Variants in NR3C2 observed in about 807,000 individuals in gnomAD.
NR3C2 encodes mineralocorticoid receptor.
NR3C2 carries 15 observed loss-of-function variants against 86.4 expected under a neutral mutation model. The ratio of observed to expected loss-of-function variants is 0.17; its 90% CI spans 0.12 to 0.27. The LOEUF is 0.27. Among genes scored for constraint, NR3C2 ranks in the 10% least tolerant of loss-of-function variants. The pLI is 1.00. For missense variants in NR3C2, 960 were observed against 1,195.6 expected (o/e 0.80, Z 2.91); for synonymous variants, 458 against 450.5 (o/e 1.02, Z -0.21).
At chr4:148,192,822 C>T (rs1736261096) in intron 4 of NR3C2, among the ~76,000 whole-genome samples, 1 of 152,002 alleles carries the variant, frequency 6.6e-6, no homozygotes, top group African/African-American at 2.4e-5. Context: ...TGGTTTCACT[C>T]CCACTGAGCC....
In NR3C2 at chr4:148,436,174, G is replaced by A; in HGVS notation, c.687C>T (p.Ile229=). 1 of 1,614,190 alleles carries A rather than the reference G, an allele frequency of 6.2e-7. No homozygotes were observed. The highest frequency in any genetic ancestry group is 8.5e-7 in the Non-Finnish European group (1 of 1,180,028). The stretch of plus-strand genomic sequence containing the variant: ...AGCATGTCAGAGGAGTTCCCTGGGT[G>A]ATTGGGCTGTGCACTGGAAAACTGC... ...SFGSFPVHSP[I]TQGTPLTCSP... The change falls in exon 2 of 9, where the codon ATC becomes ATT. Residue 229 remains isoleucine, a synonymous_variant. Coordinates refer to ENST00000358102, the MANE Select transcript of NR3C2 (RefSeq NM_000901.5).
rs560848447 is a variant in NR3C2 at position 148,154,841 on chromosome 4, T to C, written c.2075A>G (p.Gln692Arg). The C allele has an allele frequency of 2.5e-6, 4 of 1,591,238 alleles. No homozygotes were observed. The Admixed American group carries it at 7.0e-5, about 28-fold the overall frequency. Residue 692 changes from glutamine (Q) to arginine (R), a missense_variant, in exon 5 of 9, where the codon CAG becomes CGG. Gln to Arg is a conservative substitution (Grantham distance 43). Transcript: ENST00000358102. ...GGGTGGGGGTGGGGGTGGGGGCTGCTGCTGCTGTGGCTGCTCCTCGTGAAT... is the reference window on the plus strand; with the variant it reads ...GGGTGGGGGTGGGGGTGGGGGCTGCCGCTGCTGTGGCTGCTCCTCGTGAAT... ...KGIHEEQPQQ[Q>R]QPPPPPPPPQ...
At chr4:148,311,429 G>A (rs773301809) in intron 2 of NR3C2, among the ~76,000 whole-genome samples, 27 of 152,176 alleles carry the variant, frequency 1.8e-4, no homozygotes, top group East Asian at 1.4e-3. Context: ...CACAAGCCCC[G>A]GAGCCATCTT....
intron 2 of NR3C2, 63 bp from the exon 3 acceptor site, chr4:148,260,180 G>T: frequency 1.9e-6 from 3 of 1,599,670 alleles, no homozygotes; most frequent in South Asian, 1.1e-5. Flanking sequence ...ATGCTGCACA[G>T]CTTAGCTCAA....
At chr4:148,356,392 A>G (rs975922751) in intron 2 of NR3C2, among the ~76,000 whole-genome samples, 4 of 152,226 alleles carry the variant, frequency 2.6e-5, no homozygotes, top group African/African-American at 9.6e-5. Flanking sequence ...TGAATGTACA[A>G]TCAGCAACTT....
chr4:148,419,722 T>C (rs1749185847), intron 2 of NR3C2, among the ~76,000 whole-genome samples: 1 of 152,218 alleles, frequency 6.6e-6, no homozygotes, highest in South Asian at 2.1e-4. Flanking sequence ...TTAAAGCATC[T>C]GTAAATGTAC....
At chr4:148,414,235 A>C (rs969996119) in intron 2 of NR3C2, among the ~76,000 whole-genome samples, 1 of 152,198 alleles carries the variant, frequency 6.6e-6, no homozygotes, top group Non-Finnish European at 1.5e-5. Flanking sequence ...ATGCAGGATA[A>C]AAACATGGGC....
chr4:148,249,991 G>T (rs1048086235), intron 3 of NR3C2, among the ~76,000 whole-genome samples: 1 of 152,148 alleles, frequency 6.6e-6, no homozygotes, highest in Non-Finnish European at 1.5e-5. Flanking sequence ...GTAATTTTAC[G>T]ATAATTTCTG....
upstream of NR3C2, chr4:148,444,438 G>C: frequency 1.4e-5 from 14 of 986,122 alleles, no homozygotes; most frequent in Non-Finnish European, 1.7e-5. Flanking sequence ...TGCCCTGGGC[G>C]CGCAACCTGC....
chr4:148,291,742 A>G (rs1741804559), intron 2 of NR3C2, among the ~76,000 whole-genome samples: 1 of 152,058 alleles, frequency 6.6e-6, no homozygotes, highest in Non-Finnish European at 1.5e-5. Context: ...TATTTCTACT[A>G]ATGTATAGAT....
chr4:148,154,206 A>C (rs1161776684), intron 5 of NR3C2, among the ~76,000 whole-genome samples: 1 of 151,988 alleles, frequency 6.6e-6, no homozygotes, highest in Non-Finnish European at 1.5e-5. Flanking sequence ...ACGGGGTTTC[A>C]CCATCTTGGC....
intron 3 of NR3C2, among the ~76,000 whole-genome samples, chr4:148,204,886 C>T (rs939725138): frequency 1.3e-5 from 2 of 152,184 alleles, no homozygotes; most frequent in Non-Finnish European, 2.9e-5. Context: ...CTCTAAACTC[C>T]AGACCTGGAA....
At chr4:148,373,727 C>T (rs767559544) in intron 2 of NR3C2, among the ~76,000 whole-genome samples, 21 of 152,148 alleles carry the variant, frequency 1.4e-4, no homozygotes, top group Non-Finnish European at 2.6e-4. Context: ...CCACCTGCCT[C>T]GGCCTCCCAC....
chr4:148,159,643 C>T (rs548600610), intron 4 of NR3C2, among the ~76,000 whole-genome samples: 29 of 152,308 alleles, frequency 1.9e-4, no homozygotes, highest in South Asian at 4.1e-4. Flanking sequence ...TCAGAGTTCA[C>T]GCCCTTAACC....
chr4:148,161,695 T>C (rs1434900178), intron 4 of NR3C2, among the ~76,000 whole-genome samples: 1 of 152,210 alleles, frequency 6.6e-6, no homozygotes. Context: ...TTTGTTGCAA[T>C]TGTTATATGT....
In NR3C2 at chr4:148,318,083, A is replaced by T. The variant is rs1743313632; in HGVS notation, c.1758-57966T>A. Among the ~76,000 whole-genome samples, 3 of 139,236 alleles carry T rather than the reference A, an allele frequency of 2.2e-5. No homozygotes were observed. The South Asian group carries it at 6.7e-4, about 31-fold the overall frequency. 91.3% of individuals were successfully genotyped at this position (139,236 alleles called of 152,430 possible). A position where few individuals can be genotyped will look rare whatever the true frequency, so the allele number is the denominator to read the frequency against. On this transcript the variant is annotated intron_variant, in intron 2 of 8. Coordinates refer to ENST00000358102, the MANE Select transcript of NR3C2 (RefSeq NM_000901.5). ...ATATTCCCCTTCCTGTGTCCATGTG[A>T]TCTTACTGTTCAATTCCCACCTATG...
At chr4:148,299,116 C>G (rs1742203863) in intron 2 of NR3C2, among the ~76,000 whole-genome samples, 1 of 152,106 alleles carries the variant, frequency 6.6e-6, no homozygotes, top group South Asian at 2.1e-4. Flanking sequence ...TTGCTGAGAT[C>G]TTTCTTTTAA....
chr4:148,130,138 T>C (rs1269232188), intron 6 of NR3C2, among the ~76,000 whole-genome samples: 2 of 152,218 alleles, frequency 1.3e-5, no homozygotes, highest in East Asian at 1.9e-4. Context: ...TAATAAACTG[T>C]GATTTCAAAA....
intron 2 of NR3C2, among the ~76,000 whole-genome samples, chr4:148,334,164 G>A (rs569557391): frequency 6.6e-5 from 10 of 152,246 alleles, no homozygotes; most frequent in Non-Finnish European, 1.3e-4. Flanking sequence ...GAACATTTAT[G>A]GATAAAATGA....
Sources: gnomAD v4.1 joint callset for allele counts (sites outside exome capture counted in the v4.1 genomes callset) on GRCh38, gnomAD v4.1.1 for gene constraint, MANE v1.5 for transcripts, NCBI Gene and HGNC (gene_info 2026-07-23, HGNC 2026-07-21) for gene names.